C11orf65: variants seen among roughly 807,000 people sequenced by gnomAD.
C11orf65 encodes chromosome 11 open reading frame 65.
A neutral mutation model predicts 35.3 loss-of-function variants in C11orf65; 38 were observed. The observed-to-expected ratio is 1.08, with a 90% CI of 0.83 to 1.41. The LOEUF (loss-of-function observed/expected upper bound fraction) is 1.41. C11orf65 is among the 40% of genes most tolerant of loss of function. C11orf65 has a pLI of 0.00. For missense variants in C11orf65, 370 were observed against 367.1 expected (o/e 1.01, Z -0.06); for synonymous variants, 105 against 114.4 (o/e 0.92, Z 0.53).
intron 2 of C11orf65, among the ~76,000 whole-genome samples, chr11:108,452,435 CA>C (rs2093360727): frequency 6.6e-6 from 1 of 152,142 alleles, no homozygotes; most frequent in Non-Finnish European, 1.5e-5. Flanking sequence ...AAATGCAAAT[CA>C]AAACCACAAT....
chr11:108,360,614 C>T (rs1453377606), intron 2 of C11orf65, among the ~76,000 whole-genome samples: 1 of 149,860 alleles, frequency 6.7e-6, no homozygotes, highest in African/African-American at 2.5e-5. Flanking sequence ...CAGTGGGCTT[C>T]ATCCCTGGGA....
At chr11:108,444,141 A>G (rs1456976830) in intron 2 of C11orf65, among the ~76,000 whole-genome samples, 1 of 152,154 alleles carries the variant, frequency 6.6e-6, no homozygotes, top group Non-Finnish European at 1.5e-5. Context: ...AGGGGATATC[A>G]CCACCGATCC....
intron 5 of C11orf65, among the ~76,000 whole-genome samples, 194 bp from the exon 6 acceptor site, chr11:108,405,753 C>T (rs1398832005): frequency 6.6e-6 from 1 of 152,134 alleles, no homozygotes; most frequent in Non-Finnish European, 1.5e-5. Flanking sequence ...GCACATGCTA[C>T]AGATAGATCA....
intron 2 of C11orf65, among the ~76,000 whole-genome samples, chr11:108,444,900 C>T (rs2093226282): frequency 6.6e-6 from 1 of 152,176 alleles, no homozygotes; most frequent in African/African-American, 2.4e-5. Flanking sequence ...CAGTCACTTC[C>T]CATCCTAATA....
At chr11:108,421,235 T>C (rs1279396671) in intron 3 of C11orf65, among the ~76,000 whole-genome samples, 1 of 152,194 alleles carries the variant, frequency 6.6e-6, no homozygotes, top group Non-Finnish European at 1.5e-5. Flanking sequence ...GTCTATTGCC[T>C]GAGGTGGCTG....
Position 108,462,940 on chromosome 11 carries a change from C to T in C11orf65, c.-9-1372G>A, listed in dbSNP as rs575313944. 3.9e-5 allele frequency among the ~76,000 whole-genome samples: 6 copies of T among 152,024 alleles called. No individual in the cohort carries two copies. In the East Asian group the frequency reaches 7.7e-4, roughly 20 times the overall value. On this transcript the variant is annotated intron_variant, in intron 1 of 8. Coordinates refer to ENST00000393084, the MANE Select transcript of C11orf65 (RefSeq NM_152587.5). ...TTCAACACCAGCCTGGGCAATATAG[C>T]GAGACCCCCATCTCTACAACAACAG...
chr11:108,356,540 T>G (rs1386797716), intron 2 of C11orf65, among the ~76,000 whole-genome samples: 1 of 97,824 alleles, frequency 1.0e-5, no homozygotes, highest in Admixed American at 1.2e-4. Context: ...CTGTCTGTCT[T>G]AAAAAAAAAA....
chr11:108,410,786 G>A (rs2092641761), intron 3 of C11orf65, among the ~76,000 whole-genome samples: 1 of 147,854 alleles, frequency 6.8e-6, no homozygotes, highest in Admixed American at 6.9e-5. Flanking sequence ...TTGGCTCACT[G>A]AAACCTCTGC....
chr11:108,318,696 C>CA lies in C11orf65; in HGVS notation c.641-9626dup, dbSNP rs200420593. ...AGAGTGAGACTCTGTCTCAAAAAAA[C>CA]AAAAAAAACACTCAGTTACCCAGGA... On this transcript the variant is annotated intron_variant, in intron 6 of 6. Transcript: ENST00000525729. Among the ~76,000 whole-genome samples the CA allele has an allele frequency of 1.8e-3, 271 of 150,526 alleles. 1 individual carries two copies. The highest frequency in any genetic ancestry group is 6.3e-3 in the African/African-American group (257 of 41,086).
intron 3 of C11orf65, among the ~76,000 whole-genome samples, chr11:108,414,049 AAATAAAT>A (rs1394354202): frequency 1.3e-4 from 20 of 152,180 alleles, no homozygotes; most frequent in Non-Finnish European, 2.8e-4. Flanking sequence ...AAGCAGACGA[AAATAAAT>A]AATAAAGATT....
At chr11:108,388,182 C>G (rs976820644) in intron 7 of C11orf65, among the ~76,000 whole-genome samples, 2 of 152,166 alleles carry the variant, frequency 1.3e-5, no homozygotes, top group African/African-American at 4.8e-5. Context: ...GTGCTGAGCC[C>G]TGACAATCTG....
chr11:108,427,661 G>A (rs1489641546), intron 3 of C11orf65, among the ~76,000 whole-genome samples: 1 of 119,526 alleles, frequency 8.4e-6, no homozygotes, highest in Admixed American at 1.1e-4. Context: ...GGCGGAGCTT[G>A]CAGTGAGTTG....
chr11:108,450,497 C>T (rs932578491), intron 2 of C11orf65, among the ~76,000 whole-genome samples: 2 of 150,722 alleles, frequency 1.3e-5, no homozygotes, highest in African/African-American at 2.5e-5. Context: ...AACTGGAAAC[C>T]GTCATTCTTA....
At chr11:108,311,767 AT>A (rs1014673264) in intron 6 of C11orf65, among the ~76,000 whole-genome samples, 12 of 152,188 alleles carry the variant, frequency 7.9e-5, no homozygotes, top group African/African-American at 2.9e-4. Context: ...AGTATCACTT[AT>A]GATAGTATTT....
In C11orf65 at chr11:108,325,320, C is replaced by T. The variant is rs780946471; in HGVS notation, c.641-16249G>A. 3 of 1,549,486 alleles carry T rather than the reference C, an allele frequency of 1.9e-6. No individual in the cohort carries two copies. The highest frequency in any genetic ancestry group is 2.6e-6 in the Non-Finnish European group (3 of 1,135,670). ...TGTCGTGGCATTCAGATCAGTCACA[C>T]ATAGACAACTCTCTGAAGTATATAT... On this transcript the variant is annotated intron_variant, in intron 6 of 6. Transcript: ENST00000525729.
At chr11:108,329,657 C>A (rs1214056208), downstream of C11orf65, among the ~76,000 whole-genome samples, 8 of 152,124 alleles carry the variant, frequency 5.3e-5, no homozygotes, top group Admixed American at 2.6e-4. Flanking sequence ...ACGATCTGCC[C>A]ACCTTGGCCG....
chr11:108,423,822 G>A (rs1016721590), intron 3 of C11orf65, among the ~76,000 whole-genome samples: 2 of 152,228 alleles, frequency 1.3e-5, no homozygotes, highest in African/African-American at 4.8e-5. Context: ...AGAGGGGCCT[G>A]TTAGAAGGAA....
rs1555116507 is a variant in C11orf65 at position 108,320,037 on chromosome 11, A to G, written c.641-10966T>C. The stretch of plus-strand genomic sequence containing the variant: ...AGAGACAGAGAATTCTCTACATTTT[A>G]TGAAAGTCTCAAATATGCCAGGTAT... On this transcript the variant is annotated intron_variant, in intron 6 of 6. Transcript: ENST00000525729. 1.2e-6 allele frequency: 2 copies of G among 1,604,112 alleles called. No individual in the cohort carries two copies. The highest frequency in any genetic ancestry group is 1.7e-6 in the Non-Finnish European group (2 of 1,171,018).
intron 2 of C11orf65, among the ~76,000 whole-genome samples, chr11:108,376,808 A>T (rs1258745603): frequency 6.6e-6 from 1 of 151,760 alleles, no homozygotes; most frequent in East Asian, 1.9e-4. Context: ...ATCACCACCG[A>T]TCCCACAGAA....
Sources: allele counts gnomAD v4.1 joint callset (sites outside exome capture counted in the v4.1 genomes callset), GRCh38; gene constraint gnomAD v4.1.1; transcripts MANE v1.5; gene names NCBI Gene and HGNC (gene_info 2026-07-23, HGNC 2026-07-21).